MAGI2: variants seen among roughly 807,000 people sequenced by gnomAD.
MAGI2 encodes the protein membrane associated guanylate kinase, WW and PDZ domain containing 2.
In MAGI2, 35 loss-of-function variants were observed where a neutral mutation model predicts 133.3. The ratio of observed to expected loss-of-function variants is 0.26; its 90% CI spans 0.20 to 0.35. The LOEUF (loss-of-function observed/expected upper bound fraction) is 0.35. Ranked by LOEUF, MAGI2 falls within the 10% of genes least tolerant of loss-of-function variation. MAGI2 has a pLI of 1.00. For synonymous variants in MAGI2, 729 were observed against 710.6 expected (o/e 1.03, Z -0.41); for missense variants, 1,636 against 1,863.4 (o/e 0.88, Z 2.25).
chr7:78,268,321 T>C lies in MAGI2; in HGVS notation c.1409-11740A>G, dbSNP rs1794217396. On this transcript the variant is annotated intron_variant, in intron 9 of 21. Coordinates refer to ENST00000354212, the MANE Select transcript of MAGI2 (RefSeq NM_012301.4). Reference sequence around the variant, plus strand: ...AATTTGATATTTTTGGTATAGGTAATGCAAAACAGCTAATTAAATCCTTTC... The same window carrying C: ...AATTTGATATTTTTGGTATAGGTAACGCAAAACAGCTAATTAAATCCTTTC... 5.3e-5 allele frequency among the ~76,000 whole-genome samples: 8 copies of C among 152,176 alleles called. 1 individual carries two copies. The South Asian group carries it at 1.7e-3, about 31-fold the overall frequency.
In MAGI2 at chr7:78,863,276, C is replaced by T. The variant is rs146646293; in HGVS notation, c.418+143814G>A. 5.3e-3 allele frequency among the ~76,000 whole-genome samples: 812 copies of T among 152,316 alleles called. 12 individuals are homozygous for T. The highest frequency in any genetic ancestry group is 0.018 in the African/African-American group (759 of 41,564). On this transcript the variant is annotated intron_variant, in intron 2 of 21. Coordinates refer to ENST00000354212, the MANE Select transcript of MAGI2 (RefSeq NM_012301.4). ...GTTTAGTGTTGCTATAAAGGAATACCTGAGGCTGGGTGACTTGTAGAGGAG... is the reference window on the plus strand; with the variant it reads ...GTTTAGTGTTGCTATAAAGGAATACTTGAGGCTGGGTGACTTGTAGAGGAG...
At chr7:78,958,902 G>C (rs988277372) in intron 2 of MAGI2, among the ~76,000 whole-genome samples, 1 of 152,096 alleles carries the variant, frequency 6.6e-6, no homozygotes, top group East Asian at 1.9e-4. Context: ...AAAGATATGT[G>C]CTGTCTGATA....
At chr7:78,020,039 C>T (rs1808203282) in intron 21 of MAGI2, 63 bp from the exon 22 acceptor site, 1 of 1,414,104 alleles carries the variant, frequency 7.1e-7, no homozygotes, top group Non-Finnish European at 9.5e-7. Context: ...GCCCTCTCTA[C>T]GCCGGGGACA....
chr7:78,558,055 T>C (rs1376358308), intron 3 of MAGI2, among the ~76,000 whole-genome samples: 1 of 152,162 alleles, frequency 6.6e-6, no homozygotes, highest in Non-Finnish European at 1.5e-5. Context: ...AGTGTTCTAT[T>C]CTCATTTGAT....
chr7:79,326,720 G>A (rs188766626), intron 1 of MAGI2, among the ~76,000 whole-genome samples: 2 of 151,738 alleles, frequency 1.3e-5, no homozygotes, highest in East Asian at 3.9e-4. Context: ...AAAGTACAGG[G>A]CCACATTTAA....
At chr7:79,097,900 T>A (rs1817651619) in intron 1 of MAGI2, among the ~76,000 whole-genome samples, 1 of 152,122 alleles carries the variant, frequency 6.6e-6, no homozygotes, top group African/African-American at 2.4e-5. Context: ...GGTGGGCAGA[T>A]CACTTGAGGT....
intron 10 of MAGI2, among the ~76,000 whole-genome samples, chr7:78,219,520 C>T (rs1252892574): frequency 6.6e-6 from 1 of 152,162 alleles, no homozygotes; most frequent in Non-Finnish European, 1.5e-5. Flanking sequence ...GCCTCTCGTA[C>T]TACTGAAAAC....
intron 2 of MAGI2, among the ~76,000 whole-genome samples, chr7:78,632,061 T>C (rs548364109): frequency 7.9e-4 from 120 of 152,328 alleles, no homozygotes; most frequent in Non-Finnish European, 1.3e-3. Flanking sequence ...TGTTAAGTAC[T>C]ATTGCCTCGA....
At chr7:78,167,107 T>G (rs561588401) in intron 15 of MAGI2, among the ~76,000 whole-genome samples, 7 of 152,140 alleles carry the variant, frequency 4.6e-5, no homozygotes, top group Non-Finnish European at 7.4e-5. Flanking sequence ...TGAGCATTAT[T>G]GGAGCTGCTG....
chr7:79,270,290 G>A (rs1335372719), intron 1 of MAGI2, among the ~76,000 whole-genome samples: 1 of 152,148 alleles, frequency 6.6e-6, no homozygotes, highest in Non-Finnish European at 1.5e-5. Context: ...GGCATGGCCA[G>A]CCTTGAGTCA....
At chr7:78,695,048 AC>A (rs1231361365) in intron 2 of MAGI2, among the ~76,000 whole-genome samples, 1 of 152,002 alleles carries the variant, frequency 6.6e-6, no homozygotes, top group African/African-American at 2.4e-5. Flanking sequence ...ACACGGTGAA[AC>A]CCCGTCTCTA....
Position 79,159,222 on chromosome 7 carries a change from C to T in MAGI2, c.302-152016G>A, listed in dbSNP as rs560234258. On this transcript the variant is annotated intron_variant, in intron 1 of 21. Transcript: ENST00000354212. ...CAAAACAGAAAGTCTAAGCATGTTG[C>T]GAATGGTCTATGTAAGTCATCATAA... Among the ~76,000 whole-genome samples, 24 of 152,042 alleles carry T rather than the reference C, an allele frequency of 1.6e-4. No individual in the cohort carries two copies. In the South Asian group the frequency reaches 2.5e-3, roughly 16 times the overall value.
intron 1 of MAGI2, among the ~76,000 whole-genome samples, chr7:79,138,008 A>T (rs1821752007): frequency 6.6e-6 from 1 of 152,150 alleles, no homozygotes; most frequent in African/African-American, 2.4e-5. Flanking sequence ...AGCTTTGAAG[A>T]TGGTGGAAGG....
chr7:79,234,581 C>T (rs1044500624), intron 1 of MAGI2, among the ~76,000 whole-genome samples: 64 of 152,178 alleles, frequency 4.2e-4, no homozygotes, highest in Middle Eastern at 3.4e-3. Context: ...TCCAGTTGAT[C>T]GCATCGGCTC....
chr7:78,558,390 T>C (rs185984718), intron 3 of MAGI2, among the ~76,000 whole-genome samples: 31 of 152,294 alleles, frequency 2.0e-4, no homozygotes, highest in African/African-American at 7.5e-4. Context: ...TCTTAAGTAT[T>C]CCTTTAGTAT....
chr7:78,983,482 C>CT, intron 2 of MAGI2, among the ~76,000 whole-genome samples: 1 of 151,752 alleles, frequency 6.6e-6, no homozygotes, highest in East Asian at 2.0e-4. Context: ...TACAATAGTA[C>CT]TTTTTCTCTC....
At chr7:79,247,842 C>T (rs1458199942) in intron 1 of MAGI2, among the ~76,000 whole-genome samples, 3 of 151,656 alleles carry the variant, frequency 2.0e-5, no homozygotes, top group African/African-American at 7.3e-5. Flanking sequence ...TCATGGTACC[C>T]TCAAATCAAA....
chr7:78,264,779 G>A (rs899590103), intron 9 of MAGI2, among the ~76,000 whole-genome samples: 2 of 152,146 alleles, frequency 1.3e-5, no homozygotes, highest in African/African-American at 4.8e-5. Context: ...CTTCTAAGGT[G>A]CAGCTTTAAG....
chr7:79,271,782 G>T (rs368490291), intron 1 of MAGI2, among the ~76,000 whole-genome samples: 88 of 150,800 alleles, frequency 5.8e-4, no homozygotes, highest in African/African-American at 2.1e-3. Context: ...ATATTAAGTT[G>T]CTGGTTTCAA....
Sources: gnomAD v4.1 joint callset for allele counts (sites outside exome capture counted in the v4.1 genomes callset) on GRCh38, gnomAD v4.1.1 for gene constraint, MANE v1.5 for transcripts, NCBI Gene and HGNC (gene_info 2026-07-23, HGNC 2026-07-21) for gene names.